CLVS1: variants seen among roughly 807,000 people sequenced by gnomAD.
The protein encoded by CLVS1 is clavesin-1.
A neutral mutation model predicts 33.1 loss-of-function variants in CLVS1; 10 were observed. That is an observed-to-expected ratio of 0.30 (90% CI 0.19 to 0.51). CLVS1 has a LOEUF of 0.51. Ranked by LOEUF, CLVS1 falls within the 20% of genes least tolerant of loss-of-function variation. The pLI is 0.97. For missense variants in CLVS1, 343 were observed against 433.4 expected (o/e 0.79, Z 1.85); for synonymous variants, 163 against 166.1 (o/e 0.98, Z 0.14).
At chr8:61,148,991 T>C (rs1008395677) in intron 2 of CLVS1, among the ~76,000 whole-genome samples, 3 of 152,190 alleles carry the variant, frequency 2.0e-5, no homozygotes, top group Non-Finnish European at 1.5e-5. Flanking sequence ...GACCCATTTA[T>C]GGTCCCCATA....
chr8:61,117,006 T>C (rs1303509728), intron 1 of CLVS1, among the ~76,000 whole-genome samples: 1 of 140,800 alleles, frequency 7.1e-6, no homozygotes, highest in Non-Finnish European at 1.5e-5. Flanking sequence ...CCCATGAGCA[T>C]GGAATGTTCT....
chr8:61,500,338 T>G lies in CLVS1; in HGVS notation c.*796T>G, dbSNP rs1489036697. 1 of 152,166 alleles carries G rather than the reference T, an allele frequency of 6.6e-6. No individual in the cohort carries two copies. The highest frequency in any genetic ancestry group is 1.5e-5 in the Non-Finnish European group (1 of 68,026). 9.4% of individuals were successfully genotyped at this position (152,166 alleles called of 1,614,324 possible). The stretch of plus-strand genomic sequence containing the variant: ...CTCATGAAAATCACATGTCAGTGAT[T>G]AATGAATCCATTCCAGTTGCCTCAA... On this transcript the variant is annotated 3_prime_UTR_variant, in exon 6 of 6. Coordinates refer to ENST00000325897, the MANE Select transcript of CLVS1 (RefSeq NM_173519.3).
intron 3 of CLVS1, among the ~76,000 whole-genome samples, chr8:61,382,144 G>A (rs1036755833): frequency 6.6e-6 from 1 of 152,118 alleles, no homozygotes; most frequent in East Asian, 1.9e-4. Flanking sequence ...AGATTAGAAC[G>A]ATGAAAAGTC....
chr8:61,473,306 T>A (rs1817796371), intron 5 of CLVS1, among the ~76,000 whole-genome samples: 1 of 138,636 alleles, frequency 7.2e-6, no homozygotes, highest in African/African-American at 2.7e-5. Flanking sequence ...TGAAGACATG[T>A]CCTACAATTG....
Position 61,098,848 on chromosome 8 carries a change from T to C in CLVS1, c.-242-32922T>C, listed in dbSNP as rs144294122. 3.0e-3 allele frequency among the ~76,000 whole-genome samples: 459 copies of C among 152,310 alleles called. 2 individuals are homozygous for C. Among genetic ancestry groups the C allele is most frequent in the African/African-American group, 9.7e-3 (405 of 41,572 alleles). The stretch of plus-strand genomic sequence containing the variant: ...GTCTCTACCTGTTTTCTGCATATCA[T>C]GTGCTTCAATATACTGAACAGTTTG... On this transcript the variant is annotated intron_variant, in intron 1 of 2. Transcript: ENST00000522621.
chr8:61,095,031 G>T (rs1397954985), intron 1 of CLVS1, among the ~76,000 whole-genome samples: 1 of 152,116 alleles, frequency 6.6e-6, no homozygotes, highest in Admixed American at 6.5e-5. Flanking sequence ...TTAGCATTTA[G>T]TAATATATTT....
intron 2 of CLVS1, among the ~76,000 whole-genome samples, chr8:61,374,368 T>C (rs143644022): frequency 2.6e-5 from 4 of 152,332 alleles, no homozygotes; most frequent in African/African-American, 7.2e-5. Context: ...CCATCCTGAC[T>C]TTCTCTGTGT....
intron 5 of CLVS1, among the ~76,000 whole-genome samples, chr8:61,460,950 A>G (rs1465816105): frequency 6.6e-6 from 1 of 152,338 alleles, no homozygotes; most frequent in Non-Finnish European, 1.5e-5. Context: ...ATTTCCATCG[A>G]AAGTTCTGCT....
rs117324249 is a variant in CLVS1 at position 61,112,919 on chromosome 8, C to T, written c.-242-18851C>T. Reference sequence around the variant, plus strand: ...TATTTTTGCAGGAACCTCTGGGAAGCTCTGAACACATGTGGAAAGTTTTCG... The same window carrying T: ...TATTTTTGCAGGAACCTCTGGGAAGTTCTGAACACATGTGGAAAGTTTTCG... On this transcript the variant is annotated intron_variant, in intron 1 of 2. Coordinates refer to the CLVS1 transcript ENST00000522621. Among the ~76,000 whole-genome samples the T allele has an allele frequency of 7.1e-3, 1,076 of 152,288 alleles. 5 individuals are homozygous for T. Among genetic ancestry groups the T allele is most frequent in the Non-Finnish European group, 0.011 (733 of 68,034 alleles).
intron 2 of CLVS1, among the ~76,000 whole-genome samples, chr8:61,239,142 C>T (rs1473888450): frequency 6.6e-6 from 1 of 152,152 alleles, no homozygotes; most frequent in East Asian, 1.9e-4. Flanking sequence ...CCTTAAATAG[C>T]ATGCTATTAA....
At chr8:61,483,225 A>G (rs1318044474) in intron 5 of CLVS1, among the ~76,000 whole-genome samples, 1 of 152,178 alleles carries the variant, frequency 6.6e-6, no homozygotes, top group Non-Finnish European at 1.5e-5. Context: ...AGAGAGAAGA[A>G]TCAAATAGAT....
chr8:61,379,838 G>T (rs987539796), intron 3 of CLVS1, among the ~76,000 whole-genome samples: 2 of 152,154 alleles, frequency 1.3e-5, no homozygotes, highest in Non-Finnish European at 2.9e-5. Context: ...ATGAGCATTT[G>T]CAGTTTGACT....
At chr8:61,002,927 T>A in the CLVS1 span, among the ~76,000 whole-genome samples, 1 of 152,258 alleles carries the variant, frequency 6.6e-6, no homozygotes, top group African/African-American at 2.4e-5. Flanking sequence ...ATATCAAATC[T>A]GCTGCCTTAC....
rs1454719241 is a variant in CLVS1, at chr8:61,352,737, A to G, written c.456-23868A>G. Among the ~76,000 whole-genome samples the G allele has an allele frequency of 3.9e-5, 6 of 152,174 alleles. No individual in the cohort carries two copies. In the South Asian group the frequency reaches 1.0e-3, roughly 26 times the overall value. On this transcript the variant is annotated intron_variant, in intron 2 of 5. Transcript: ENST00000325897. ...AGCCCTCCATGGGTTCTGCATCCAC[A>G]GATTCAACAAATGGTGGATCAAAAA...
intron 2 of CLVS1, among the ~76,000 whole-genome samples, chr8:61,139,541 G>A (rs1806265707): frequency 6.6e-6 from 1 of 152,184 alleles, no homozygotes; most frequent in Non-Finnish European, 1.5e-5. Flanking sequence ...GGGGCGTCAG[G>A]GGACCGAGCG....
At chr8:61,352,457 G>A (rs1350476382) in intron 2 of CLVS1, among the ~76,000 whole-genome samples, 2 of 151,976 alleles carry the variant, frequency 1.3e-5, no homozygotes, top group Non-Finnish European at 2.9e-5. Context: ...TATGCCAAAT[G>A]CCAGTAGTCT....
chr8:61,097,946 C>T lies in CLVS1; in HGVS notation c.-242-33824C>T, dbSNP rs573763095. ...TTCCAGAAAGGCTATTTTAAAAGAG[C>T]TCACATTGTGCCAGCCTGGGCAACA... On this transcript the variant is annotated intron_variant, in intron 1 of 2. Transcript: ENST00000522621. 3.3e-5 allele frequency among the ~76,000 whole-genome samples: 5 copies of T among 152,234 alleles called. No individual in the cohort carries two copies. The East Asian group carries it at 9.7e-4, about 29-fold the overall frequency.
At chr8:61,238,870 C>A (rs773650412) in intron 2 of CLVS1, among the ~76,000 whole-genome samples, 3 of 152,190 alleles carry the variant, frequency 2.0e-5, no homozygotes, top group Non-Finnish European at 4.4e-5. Flanking sequence ...GGTCCATACC[C>A]AGGACTATTT....
chr8:61,069,897 C>A (rs964319046), intron 1 of CLVS1, among the ~76,000 whole-genome samples: 2 of 152,106 alleles, frequency 1.3e-5, no homozygotes, highest in Non-Finnish European at 2.9e-5. Flanking sequence ...TGATTCTCCT[C>A]AAGTGATTCT....
Sources: allele counts gnomAD v4.1 joint callset (sites outside exome capture counted in the v4.1 genomes callset), GRCh38; gene constraint gnomAD v4.1.1; transcripts MANE v1.5; gene names NCBI Gene and HGNC (gene_info 2026-07-23, HGNC 2026-07-21).